The following FBXO24 variants were observed in gnomAD, a reference collection of about 807,000 sequenced individuals.
FBXO24 encodes the protein F-box only protein 24.
A neutral mutation model predicts 63.5 loss-of-function variants in FBXO24; 30 were observed. The observed-to-expected ratio is 0.47, with a 90% CI of 0.35 to 0.64. The LOEUF is 0.64. Ranked by LOEUF, FBXO24 falls within the 30% of genes least tolerant of loss-of-function variation. The pLI is 0.00. For missense variants in FBXO24, 624 were observed against 763.4 expected, an observed-to-expected ratio of 0.82 and a Z score of 2.15; for synonymous variants, 300 against 305.0, an observed-to-expected ratio of 0.98 and a Z score of 0.17.
intron 1 of FBXO24, chr7:100,589,543 A>C: frequency 7.1e-7 from 1 of 1,404,106 alleles, no homozygotes; most frequent in Non-Finnish European, 9.3e-7. Flanking sequence ...GTGGCCAAAC[A>C]GTGAGGTCAC....
In FBXO24 at chr7:100,600,290, G is replaced by T; in HGVS notation, c.1377+89G>T. On this transcript the variant is annotated intron_variant, in intron 9 of 9. Coordinates refer to ENST00000241071, the MANE Select transcript of FBXO24 (RefSeq NM_033506.3). This position sits in a 1 kb window ranked among gnomAD's most constrained non-coding sequence, Gnocchi z 6.3. ...CAGGCTGTAGCTGGGGCTCCTGCAG[G>T]GACCCAGGGGGTCCCATTTCCCTAG... is the stretch of plus-strand genomic sequence containing the variant. 7.0e-7 allele frequency: 1 copy of T among 1,425,508 alleles called. No homozygotes were observed. Among genetic ancestry groups the T allele is most frequent in the East Asian group, 2.5e-5 (1 of 39,830 alleles). 88.3% of individuals were successfully genotyped at this position (1,425,508 alleles called of 1,614,324 possible).
chr7:100,587,865 T>C (rs2131256483), intron 1 of FBXO24, among the ~76,000 whole-genome samples: 1 of 152,068 alleles, frequency 6.6e-6, no homozygotes, highest in South Asian at 2.1e-4. Context: ...CCCAAAGTAC[T>C]GGGATCACAG....
intron 1 of FBXO24, 51 bp from the exon 2 acceptor site, chr7:100,589,925 GA>G: frequency 5.7e-6 from 9 of 1,579,252 alleles, no homozygotes; most frequent in Admixed American, 1.8e-5. Context: ...GGAGAGAAGG[GA>G]AAAAAGGATG....
At position 100,600,874 on chromosome 7, in the gene FBXO24, T is replaced by C; in HGVS notation, c.1718T>C (p.Val573Ala). Residue 573 changes from valine (V) to alanine (A), a missense_variant, in exon 10 of 10, where the codon GTA becomes GCA. By Grantham distance (64) the Val-to-Ala change is moderately conservative (BLOSUM62 0). Coordinates refer to ENST00000241071, the MANE Select transcript of FBXO24 (RefSeq NM_033506.3). The surrounding 1 kb of genome is among the most constrained non-coding windows in gnomAD (Gnocchi z 6.3). The stretch of plus-strand genomic sequence containing the variant: ...AGGGCTGAAGGAGGCGGGGGTGGTG[T>C]AGGGCCCCCAGCCCCTGAGACCTAA... ...LQRAEGGGGG[V>A]GPPAPET 1.2e-6 allele frequency: 2 copies of C among 1,613,350 alleles called. No homozygotes were observed. The highest frequency in any genetic ancestry group is 1.7e-6 in the Non-Finnish European group (2 of 1,179,726).
In FBXO24 at chr7:100,591,687, C is replaced by T. The variant is rs1802035275; in HGVS notation, c.343C>T (p.Gln115Ter). ...TCCAGACACGAAGGGCCTGTATTTC[C>T]AGGCATTTGGAGGCCGCCGCCGATG... is the stretch of plus-strand genomic sequence containing the variant. ...ILNYTKGLYFQAFGGRRRCLS... is the reference protein window; with the variant it reads ...ILNYTKGLYF The change falls in exon 4 of 10, where the codon CAG (glutamine) becomes TAG (stop). Residue 115 changes from glutamine (Q) to a stop codon, truncating the protein, a stop_gained. Coordinates refer to ENST00000241071, the MANE Select transcript of FBXO24 (RefSeq NM_033506.3). LOFTEE classifies it high-confidence loss of function. 2 of 1,614,074 alleles carry T rather than the reference C, an allele frequency of 1.2e-6. No individual in the cohort carries two copies. Among genetic ancestry groups the T allele is most frequent in the African/African-American group, 2.7e-5 (2 of 74,918 alleles).
intron 8 of FBXO24, 42 bp from the exon 9 acceptor site, chr7:100,599,989 C>T: frequency 6.4e-7 from 1 of 1,572,934 alleles, no homozygotes; most frequent in Non-Finnish European, 8.6e-7. Context: ...CCCCCCGTCC[C>T]TTGGTGCTCC....
Position 100,590,350 on chromosome 7 carries a change from T to C in FBXO24, c.315T>C (p.Ile105=). The part of the protein sequence containing the change: ...SGVRPWKRAA[I]LNYTKGLYFQ... ...TCCGGCCCTGGAAGAGAGCTGCCATTCTGAACTGTACACCTTCCCCAGAAC... is the reference window on the plus strand; with the variant it reads ...TCCGGCCCTGGAAGAGAGCTGCCATCCTGAACTGTACACCTTCCCCAGAAC... Residue 105 remains isoleucine (I), a synonymous_variant, in exon 3 of 10, where the codon ATT becomes ATC. Coordinates refer to ENST00000241071, the MANE Select transcript of FBXO24 (RefSeq NM_033506.3). 1 of 1,611,946 alleles carries C rather than the reference T, an allele frequency of 6.2e-7. No individual in the cohort carries two copies. The highest frequency in any genetic ancestry group is 8.5e-7 in the Non-Finnish European group (1 of 1,178,784).
At chr7:100,597,555 G>A (rs773957711) in intron 8 of FBXO24, among the ~76,000 whole-genome samples, 4 of 151,872 alleles carry the variant, frequency 2.6e-5, no homozygotes, top group East Asian at 1.9e-4. Flanking sequence ...CACCATGCCC[G>A]GCTAATTTTT....
At position 100,594,298 on chromosome 7, in the gene FBXO24, C is replaced by A; in HGVS notation, c.794-85C>A. On this transcript the variant is annotated intron_variant, in intron 5 of 9. Transcript: ENST00000241071. This position sits in a 1 kb window ranked among gnomAD's most constrained non-coding sequence, Gnocchi z 4.2. ...CCACTCTAGGGCAGTAAATGTGTCA[C>A]CCATATGGCCTAGGGAGTCTCTTGG... is the stretch of plus-strand genomic sequence containing the variant. 1 of 1,479,576 alleles carries A rather than the reference C, an allele frequency of 6.8e-7. No homozygotes were observed. The highest frequency in any genetic ancestry group is 9.2e-7 in the Non-Finnish European group (1 of 1,088,334). 91.7% of individuals were successfully genotyped at this position (1,479,576 alleles called of 1,614,324 possible).
At chr7:100,589,127 A>G (rs999302261) in intron 1 of FBXO24, among the ~76,000 whole-genome samples, 5 of 152,144 alleles carry the variant, frequency 3.3e-5, no homozygotes, top group African/African-American at 1.2e-4. Context: ...CACCGGCACC[A>G]GGCTGCAGTC....
At position 100,595,582 on chromosome 7, in the gene FBXO24, T is replaced by C. The variant is rs762905410; in HGVS notation, c.1082T>C (p.Phe361Ser). 1.1e-5 allele frequency: 18 copies of C among 1,608,718 alleles called. No homozygotes were observed. The highest frequency in any genetic ancestry group is 1.4e-5 in the Non-Finnish European group (17 of 1,176,686). ...TTCTATCTTGCACGCTAGATCCTAT[T>C]CTGTGCTCTTGGCTACAACCACCTT... is the stretch of plus-strand genomic sequence containing the variant. Reference protein sequence around the residue: ...LALSLPAKILFCALGYNHLGL... With the variant: ...LALSLPAKILSCALGYNHLGL... Residue 361 changes from phenylalanine to serine, a missense_variant, in exon 8 of 10, where the codon TTC becomes TCC. Phe to Ser is a radical substitution (Grantham distance 155, BLOSUM62 -2). This residue lies in a region of FBXO24 where 17 missense variants were observed against 49.0 expected (regional missense o/e 0.35). Transcript: ENST00000241071.
intron 3 of FBXO24, 54 bp downstream of exon 3, chr7:100,590,411 T>A: frequency 6.5e-7 from 1 of 1,547,088 alleles, no homozygotes; most frequent in Non-Finnish European, 8.8e-7. Flanking sequence ...GCCTTAGCCT[T>A]CCTGCTCTCT....
intron 8 of FBXO24, among the ~76,000 whole-genome samples, chr7:100,598,555 C>G (rs573481692): frequency 6.6e-5 from 10 of 152,214 alleles, no homozygotes; most frequent in African/African-American, 2.4e-4. Context: ...ATGTGGTCAG[C>G]CTCAGATTGG....
In FBXO24 at chr7:100,586,676, C is replaced by CT. The variant is rs750783632; in HGVS notation, c.39+15dup. The stretch of plus-strand genomic sequence containing the variant: ...TAAGGAGGAGGCGGGTGAGCTAGAA[C>CT]TTTAAGACTGAGGTTAAGAATGAAC... On this transcript the variant is annotated intron_variant, in intron 1 of 9. Transcript: ENST00000241071. 44 of 1,614,044 alleles carry CT rather than the reference C, an allele frequency of 2.7e-5. No individual in the cohort carries two copies. The highest frequency in any genetic ancestry group is 3.4e-5 in the Non-Finnish European group (40 of 1,179,988).
intron 8 of FBXO24, among the ~76,000 whole-genome samples, chr7:100,597,796 G>A (rs1802381358): frequency 6.6e-6 from 1 of 151,920 alleles, no homozygotes; most frequent in South Asian, 2.1e-4. Flanking sequence ...TCAACTCCAG[G>A]GCTCAAGAGA....
chr7:100,586,727 G>A lies in FBXO24; in HGVS notation c.39+63G>A, dbSNP rs577276772. On this transcript the variant is annotated intron_variant, in intron 1 of 9. Transcript: ENST00000241071. ...GCGGAGCCCCTGGCCGGCCGGGAAC[G>A]CAGTTCGCCGCTGCAGTGGCGAGTG... 25 of 1,577,348 alleles carry A rather than the reference G, an allele frequency of 1.6e-5. No individual in the cohort carries two copies. In the South Asian group the frequency reaches 2.6e-4, roughly 16 times the overall value.
In FBXO24 at chr7:100,586,333, G is replaced by T. The variant is rs538675257; in HGVS notation, c.-293G>T. 1 of 668,566 alleles carries T rather than the reference G, an allele frequency of 1.5e-6. No homozygotes were observed. The highest frequency in any genetic ancestry group is 2.9e-5 in the Admixed American group (1 of 33,960). 41.4% of individuals were successfully genotyped at this position (668,566 alleles called of 1,614,324 possible). ...GAAGGGAGGGGAACAAGGATAGAGC[G>T]CTCGCCAACGGCCGACGCTCCAGGC... On this transcript the variant is annotated 5_prime_UTR_variant, in exon 1 of 10. Transcript: ENST00000241071.
Position 100,600,598 on chromosome 7 carries a change from A to G in FBXO24, c.1442A>G (p.Asp481Gly). The G allele has an allele frequency of 6.2e-7, 1 of 1,611,666 alleles. No homozygotes were observed. Among genetic ancestry groups the G allele is most frequent in the Non-Finnish European group, 8.5e-7 (1 of 1,178,546 alleles). Residue 481 changes from aspartate to glycine, a missense_variant, in exon 10 of 10, where the codon GAC (aspartate) becomes GGC (glycine). Coordinates refer to ENST00000241071, the MANE Select transcript of FBXO24 (RefSeq NM_033506.3). The surrounding 1 kb of genome is among the most constrained non-coding windows in gnomAD (Gnocchi z 6.3). ...TGCCTATACATCCTGTCCAGCCACG[A>G]CATTGAGCAGCACGCCCCCTATCGC... ...RECLYILSSH[D>G]IEQHAPYRHL...
At chr7:100,590,989 C>G (rs1295210127) in intron 3 of FBXO24, among the ~76,000 whole-genome samples, 1 of 151,078 alleles carries the variant, frequency 6.6e-6, no homozygotes, top group African/African-American at 2.4e-5. Context: ...CATTCCTTTT[C>G]ACTCCTGTTT....
Sources: allele counts gnomAD v4.1 joint callset (sites outside exome capture counted in the v4.1 genomes callset), GRCh38; gene constraint gnomAD v4.1.1; regional missense constraint gnomAD v4.1.1; non-coding constraint Gnocchi (gnomAD v3.1); transcripts MANE v1.5; gene names NCBI Gene and HGNC (gene_info 2026-07-23, HGNC 2026-07-21).